Variants in TMEM135 observed in about 807,000 individuals in gnomAD.
The protein encoded by TMEM135 is peroxisomal membrane protein 52.
In TMEM135, 30 loss-of-function variants were observed where a neutral mutation model predicts 60.3. That is an observed-to-expected ratio of 0.50 (90% confidence interval 0.37 to 0.68). The LOEUF is 0.68. Among genes scored for constraint, TMEM135 ranks in the 30% least tolerant of loss-of-function variants. TMEM135 has a pLI of 0.00. For missense variants in TMEM135, 468 were observed against 548.8 expected (o/e 0.85, Z 1.47); for synonymous variants, 190 against 186.7 (o/e 1.02, Z -0.14).
intron 5 of TMEM135, among the ~76,000 whole-genome samples, chr11:87,168,391 G>T (rs1402782783): frequency 6.6e-6 from 1 of 151,934 alleles, no homozygotes; most frequent in Non-Finnish European, 1.5e-5. Context: ...TTTTAATTGT[G>T]ATATTAGGGT....
intron 5 of TMEM135, among the ~76,000 whole-genome samples, chr11:87,234,464 A>G (rs1940952875): frequency 6.6e-6 from 1 of 151,974 alleles, no homozygotes. Context: ...TTATTCTCCT[A>G]ATTATTGGTG....
At chr11:87,283,043 A>G (rs935388465) in intron 6 of TMEM135, among the ~76,000 whole-genome samples, 1 of 152,150 alleles carries the variant, frequency 6.6e-6, no homozygotes, top group Non-Finnish European at 1.5e-5. Context: ...CTAATCAGAA[A>G]ATAGTAGCTT....
chr11:87,307,285 A>G (rs1312533187), intron 9 of TMEM135, among the ~76,000 whole-genome samples: 1 of 152,106 alleles, frequency 6.6e-6, no homozygotes, highest in Non-Finnish European at 1.5e-5. Flanking sequence ...GACCAAGGAT[A>G]AAATAGTAGG....
At chr11:87,286,883 G>A (rs952284974) in intron 6 of TMEM135, among the ~76,000 whole-genome samples, 26 of 152,080 alleles carry the variant, frequency 1.7e-4, no homozygotes, top group Non-Finnish European at 3.5e-4. Flanking sequence ...CAACATAAAT[G>A]TTTACACTTG....
At chr11:87,243,542 G>C (rs1488953658) in intron 6 of TMEM135, among the ~76,000 whole-genome samples, 1 of 111,950 alleles carries the variant, frequency 8.9e-6, no homozygotes, top group African/African-American at 3.4e-5. Flanking sequence ...GCAGTGGTTT[G>C]TAGTTCTCCT....
At chr11:87,285,594 G>A (rs1457888251) in intron 6 of TMEM135, among the ~76,000 whole-genome samples, 4 of 151,990 alleles carry the variant, frequency 2.6e-5, no homozygotes, top group South Asian at 2.1e-4. Context: ...TCATGGTCTC[G>A]CTGGCCTCAG....
Position 87,324,275 on chromosome 11 carries a change from C to G in TMEM135, c.*2942C>G. On this transcript the variant is annotated 3_prime_UTR_variant, in exon 15 of 15. Transcript: ENST00000305494. ...CTTTACTCTCAGGGAGCTTCGTCCACTTGCCTGTGTCACAACCTCTCCCTT... is the reference window on the plus strand; with the variant it reads ...CTTTACTCTCAGGGAGCTTCGTCCAGTTGCCTGTGTCACAACCTCTCCCTT... The G allele has an allele frequency of 2.2e-6, 1 of 454,088 alleles. No homozygotes were observed. Among genetic ancestry groups the G allele is most frequent in the South Asian group, 1.6e-5 (1 of 64,472 alleles). The allele number at this position is 454,088 out of a possible 1,614,324, so 28.1% of individuals were successfully genotyped here.
At chr11:87,042,186 G>C (rs764608344) in intron 1 of TMEM135, among the ~76,000 whole-genome samples, 1 of 152,238 alleles carries the variant, frequency 6.6e-6, no homozygotes, top group Non-Finnish European at 1.5e-5. Flanking sequence ...CAGCTATGTA[G>C]AAATGTGATT....
At chr11:87,046,636 A>G (rs890970101) in intron 1 of TMEM135, among the ~76,000 whole-genome samples, 5 of 152,210 alleles carry the variant, frequency 3.3e-5, no homozygotes, top group African/African-American at 1.2e-4. Flanking sequence ...AGGGGTAGAG[A>G]GAAACTGAGG....
intron 3 of TMEM135, among the ~76,000 whole-genome samples, chr11:87,078,917 C>A: frequency 6.6e-6 from 1 of 151,942 alleles, no homozygotes; most frequent in East Asian, 1.9e-4. Flanking sequence ...CCACTGTGCC[C>A]AGCCCGTTGT....
chr11:87,120,732 C>T (rs781562800), intron 4 of TMEM135, among the ~76,000 whole-genome samples: 15 of 151,954 alleles, frequency 9.9e-5, no homozygotes, highest in South Asian at 2.1e-4. Flanking sequence ...TCCCAAAGTG[C>T]TGGGATTACA....
At chr11:87,103,138 A>G (rs888392821) in intron 4 of TMEM135, among the ~76,000 whole-genome samples, 7 of 152,182 alleles carry the variant, frequency 4.6e-5, no homozygotes, top group African/African-American at 9.7e-5. Flanking sequence ...GAACATGGGA[A>G]TGAAGACATC....
rs776349632 is a variant in TMEM135, at chr11:87,230,517, A to G, written c.463-6121A>G. Among the ~76,000 whole-genome samples, 8 of 152,126 alleles carry G rather than the reference A, an allele frequency of 5.3e-5. No individual in the cohort carries two copies. In the East Asian group the frequency reaches 5.8e-4, roughly 11 times the overall value. On this transcript the variant is annotated intron_variant, in intron 5 of 14. Transcript: ENST00000305494. ...TACATTATATATAAATCCTTATGGC[A>G]TATGTAATAGGTAGTATTATATTGT... is the stretch of plus-strand genomic sequence containing the variant.
At chr11:87,303,294 G>A (rs898269700) in intron 8 of TMEM135, among the ~76,000 whole-genome samples, 1 of 152,142 alleles carries the variant, frequency 6.6e-6, no homozygotes, top group African/African-American at 2.4e-5. Context: ...CTTCTTATGA[G>A]CATCTAATGC....
chr11:87,114,704 A>G (rs1857834626), intron 4 of TMEM135, among the ~76,000 whole-genome samples: 1 of 152,220 alleles, frequency 6.6e-6, no homozygotes, highest in African/African-American at 2.4e-5. Flanking sequence ...AATGGACTAC[A>G]TTATAACAGT....
intron 14 of TMEM135, among the ~76,000 whole-genome samples, chr11:87,320,342 A>G (rs1942799920): frequency 6.6e-6 from 1 of 152,156 alleles, no homozygotes; most frequent in Non-Finnish European, 1.5e-5. Flanking sequence ...CCTCTTATCC[A>G]TGTCACTGTA....
chr11:87,102,372 A>G (rs1027052854), intron 4 of TMEM135, among the ~76,000 whole-genome samples: 78 of 152,296 alleles, frequency 5.1e-4, no homozygotes, highest in African/African-American at 1.8e-3. Flanking sequence ...TTATGGATGA[A>G]CAGCCAGATG....
intron 6 of TMEM135, among the ~76,000 whole-genome samples, chr11:87,265,413 T>C (rs939767532): frequency 1.3e-5 from 2 of 152,032 alleles, no homozygotes; most frequent in East Asian, 3.8e-4. Context: ...ATTCTTTGGA[T>C]TGTTTCAGGG....
intron 6 of TMEM135, among the ~76,000 whole-genome samples, chr11:87,245,727 T>G (rs1263728803): frequency 8.1e-6 from 1 of 123,578 alleles, no homozygotes; most frequent in Non-Finnish European, 1.8e-5. Flanking sequence ...CATCCTTTTA[T>G]TTTGAGCCTG....
Sources: allele counts gnomAD v4.1 joint callset (sites outside exome capture counted in the v4.1 genomes callset), GRCh38; gene constraint gnomAD v4.1.1; transcripts MANE v1.5; gene names NCBI Gene and HGNC (gene_info 2026-07-23, HGNC 2026-07-21).